IQCM: variants seen among roughly 807,000 people sequenced by gnomAD.
The protein encoded by IQCM is IQ domain-containing protein M.
IQCM carries 45 observed loss-of-function variants against 57.6 expected under a neutral mutation model. That is an observed-to-expected ratio of 0.78 (90% CI 0.62 to 1.00). The LOEUF (loss-of-function observed/expected upper bound fraction) is 1.00. Ranked by LOEUF, IQCM falls within the 50% of genes least tolerant of loss-of-function variation. The probability of loss-of-function intolerance (pLI) is 0.00; values close to 1 mark genes in which losing one functional copy is unlikely to be tolerated. For synonymous variants in IQCM, 148 were observed against 158.9 expected, an observed-to-expected ratio of 0.93 and a Z score of 0.51; for missense variants, 468 against 511.6, an observed-to-expected ratio of 0.91 and a Z score of 0.82.
intron 7 of IQCM, among the ~76,000 whole-genome samples, chr4:149,656,797 A>C (rs1759677263): frequency 6.6e-6 from 1 of 152,098 alleles, no homozygotes; most frequent in South Asian, 2.1e-4. Flanking sequence ...AATGAACTGG[A>C]CATTTTTTTT....
intron 10 of IQCM, among the ~76,000 whole-genome samples, chr4:149,554,190 A>G (rs1356254298): frequency 1.3e-5 from 2 of 152,118 alleles, no homozygotes; most frequent in Non-Finnish European, 2.9e-5. Flanking sequence ...TGCATACCGT[A>G]TTATAAATGA....
intron 13 of IQCM, among the ~76,000 whole-genome samples, chr4:149,413,376 A>G (rs1733518778): frequency 1.3e-5 from 2 of 152,154 alleles, no homozygotes; most frequent in South Asian, 2.1e-4. Context: ...ACTGTCCAGG[A>G]GATAATGGGA....
chr4:149,372,037 A>G (rs772528099), intron 13 of IQCM, among the ~76,000 whole-genome samples: 6 of 152,216 alleles, frequency 3.9e-5, no homozygotes, highest in Non-Finnish European at 8.8e-5. Flanking sequence ...CTTTCTGATA[A>G]GTACTTTAAT....
At chr4:149,660,595 A>G (rs1760095920) in intron 7 of IQCM, among the ~76,000 whole-genome samples, 1 of 152,220 alleles carries the variant, frequency 6.6e-6, no homozygotes, top group Non-Finnish European at 1.5e-5. Flanking sequence ...ATGTCCAACA[A>G]TGATAGACTG....
intron 8 of IQCM, among the ~76,000 whole-genome samples, chr4:149,593,568 A>G (rs1193105499): frequency 6.6e-6 from 1 of 152,106 alleles, no homozygotes; most frequent in Non-Finnish European, 1.5e-5. Flanking sequence ...GTTTTTGCCC[A>G]TTCAGTATGA....
chr4:149,667,920 C>T (rs140032642), intron 7 of IQCM, among the ~76,000 whole-genome samples: 5 of 151,984 alleles, frequency 3.3e-5, no homozygotes, highest in African/African-American at 7.2e-5. Context: ...AGAAATATGG[C>T]ACTATGTGAA....
intron 12 of IQCM, among the ~76,000 whole-genome samples, chr4:149,530,351 C>T (rs1346295861): frequency 6.6e-6 from 1 of 151,816 alleles, no homozygotes; most frequent in East Asian, 1.9e-4. Context: ...CATACTGTAC[C>T]CATGGAACCT....
intron 5 of IQCM, among the ~76,000 whole-genome samples, chr4:149,704,350 C>T (rs1051691075): frequency 1.3e-5 from 2 of 151,844 alleles, no homozygotes; most frequent in Non-Finnish European, 2.9e-5. Flanking sequence ...AAACCACGGT[C>T]TGGGCCTAAT....
intron 7 of IQCM, among the ~76,000 whole-genome samples, chr4:149,669,192 T>A (rs1314577504): frequency 6.6e-6 from 1 of 152,188 alleles, no homozygotes; most frequent in Non-Finnish European, 1.5e-5. Context: ...TGAGATGGTA[T>A]CTCGTTGTGG....
intron 2 of IQCM, among the ~76,000 whole-genome samples, chr4:149,777,217 G>A (rs951564072): frequency 6.6e-6 from 1 of 152,086 alleles, no homozygotes; most frequent in Non-Finnish European, 1.5e-5. Flanking sequence ...TTGACCACTG[G>A]CAGCAAATTT....
At chr4:149,386,528 A>T (rs1341452779) in intron 13 of IQCM, among the ~76,000 whole-genome samples, 1 of 152,066 alleles carries the variant, frequency 6.6e-6, no homozygotes, top group African/African-American at 2.4e-5. Flanking sequence ...TGCAATTGTC[A>T]TTATCATAAC....
intron 13 of IQCM, among the ~76,000 whole-genome samples, chr4:149,357,738 A>G (rs1729113673): frequency 6.6e-6 from 1 of 152,162 alleles, no homozygotes; most frequent in Non-Finnish European, 1.5e-5. Flanking sequence ...AGGCTTTGGT[A>G]TCAGGATGAT....
At chr4:149,411,815 A>C (rs1176735713) in intron 13 of IQCM, among the ~76,000 whole-genome samples, 1 of 152,176 alleles carries the variant, frequency 6.6e-6, no homozygotes, top group Non-Finnish European at 1.5e-5. Context: ...TCAATTTTTA[A>C]AAACTAGTGC....
chr4:149,444,771 A>G (rs978095241), intron 12 of IQCM, among the ~76,000 whole-genome samples: 1 of 151,950 alleles, frequency 6.6e-6, no homozygotes, highest in Non-Finnish European at 1.5e-5. Context: ...AAATTGAGAG[A>G]AGATATTAGT....
chr4:149,452,076 T>A (rs927210366), intron 12 of IQCM, among the ~76,000 whole-genome samples: 1 of 151,384 alleles, frequency 6.6e-6, no homozygotes, highest in Non-Finnish European at 1.5e-5. Flanking sequence ...GCAATAAAAA[T>A]CAGAAATTAA....
chr4:149,441,894 G>A (rs1423603090), intron 12 of IQCM, among the ~76,000 whole-genome samples: 1 of 152,058 alleles, frequency 6.6e-6, no homozygotes, highest in African/African-American at 2.4e-5. Flanking sequence ...CCTCATGGGT[G>A]GGATTAATGC....
At chr4:149,379,954 G>T (rs1421918497) in intron 13 of IQCM, among the ~76,000 whole-genome samples, 1 of 152,100 alleles carries the variant, frequency 6.6e-6, no homozygotes. Flanking sequence ...TGTTCTCATG[G>T]TGGTGAATAA....
intron 12 of IQCM, among the ~76,000 whole-genome samples, chr4:149,471,276 A>G (rs1739508215): frequency 6.6e-6 from 1 of 152,194 alleles, no homozygotes; most frequent in Admixed American, 6.5e-5. Flanking sequence ...ATAAAAAATG[A>G]TAAAGAGATA....
chr4:149,637,116 G>C (rs1353362352), intron 7 of IQCM, among the ~76,000 whole-genome samples: 1 of 142,306 alleles, frequency 7.0e-6, no homozygotes, highest in Non-Finnish European at 1.5e-5. Context: ...GCAGTCCGCA[G>C]TCCGGCCTGG....
Sources: gnomAD v4.1 joint callset for allele counts (sites outside exome capture counted in the v4.1 genomes callset) on GRCh38, gnomAD v4.1.1 for gene constraint, MANE v1.5 for transcripts, NCBI Gene and HGNC (gene_info 2026-07-23, HGNC 2026-07-21) for gene names.